WWC2: variants seen among roughly 807,000 people sequenced by gnomAD.
The protein encoded by WWC2 is WW and C2 domain containing 2, also known as protein WWC2.
Under a neutral mutation model 138.5 loss-of-function variants are expected in WWC2, and 101 were observed. That is an observed-to-expected ratio of 0.73 (90% CI 0.62 to 0.86). The LOEUF (loss-of-function observed/expected upper bound fraction) is 0.86. Ranked by LOEUF, WWC2 falls within the 40% of genes least tolerant of loss-of-function variation. The pLI is 0.00. For synonymous variants in WWC2, 558 were observed against 538.4 expected, an observed-to-expected ratio of 1.04 and a Z score of -0.50; for missense variants, 1,420 against 1,419.4, an observed-to-expected ratio of 1.00 and a Z score of -0.01.
chr4:183,243,492 A>T (rs1319673528), intron 5 of WWC2, among the ~76,000 whole-genome samples: 1 of 152,188 alleles, frequency 6.6e-6, no homozygotes, highest in East Asian at 1.9e-4. Context: ...AATTCCATTG[A>T]TAAATCTCTT....
chr4:183,257,579 G>A (rs1737189204), intron 9 of WWC2, among the ~76,000 whole-genome samples: 1 of 152,198 alleles, frequency 6.6e-6, no homozygotes, highest in Admixed American at 6.5e-5. Flanking sequence ...AGAGACAGGT[G>A]TGCACCCTTT....
chr4:183,281,204 T>G, intron 17 of WWC2: 1 of 410,484 alleles, frequency 2.4e-6, no homozygotes, highest in Non-Finnish European at 4.3e-6. Context: ...TAGCTTATTG[T>G]AGAGTTATAG....
chr4:183,261,011 C>T lies in WWC2; in HGVS notation c.1388C>T (p.Ser463Phe). ...ACCTCCAGCAGAGGGTCACTCAACT[C>T]CCTCAGTTCCACCGAACTCTATTAC... ...LNTSSRGSLN[S>F]LSSTELYYSS... The change falls in exon 11 of 23, where the codon TCC (serine) becomes TTC (phenylalanine). Residue 463 changes from serine to phenylalanine, a missense_variant. Coordinates refer to ENST00000403733, the MANE Select transcript of WWC2 (RefSeq NM_024949.6). 1 of 1,614,000 alleles carries T rather than the reference C, an allele frequency of 6.2e-7. No individual in the cohort carries two copies. The highest frequency in any genetic ancestry group is 8.5e-7 in the Non-Finnish European group (1 of 1,179,890).
chr4:183,249,158 G>A (rs918508021), intron 7 of WWC2, among the ~76,000 whole-genome samples: 3 of 152,050 alleles, frequency 2.0e-5, no homozygotes, highest in African/African-American at 4.8e-5. Flanking sequence ...TTCCTATTAC[G>A]TTTAGAGTCT....
At chr4:183,213,025 T>C (rs183773168) in intron 4 of WWC2, among the ~76,000 whole-genome samples, 2 of 152,346 alleles carry the variant, frequency 1.3e-5, no homozygotes, top group East Asian at 3.9e-4. Context: ...ATAACTATAA[T>C]AAAAGATCAG....
chr4:183,174,740 T>C (rs1301181307), intron 1 of WWC2, among the ~76,000 whole-genome samples: 2 of 152,116 alleles, frequency 1.3e-5, no homozygotes, highest in African/African-American at 4.8e-5. Context: ...ATCTGACAAT[T>C]AACTTTTTGC....
rs552613459 is a variant in WWC2 at position 183,228,735 on chromosome 4, T to C, written c.523-11448T>C. On this transcript the variant is annotated intron_variant, in intron 4 of 22. Transcript: ENST00000403733. Reference sequence around the variant, plus strand: ...CTTTACTGCTGGTGGGAAACTGGCCTTTCCTAATAAAGCTGAACGTGTGCA... The same window carrying C: ...CTTTACTGCTGGTGGGAAACTGGCCCTTCCTAATAAAGCTGAACGTGTGCA... Among the ~76,000 whole-genome samples, 62 of 152,208 alleles carry C rather than the reference T, an allele frequency of 4.1e-4. 1 individual carries two copies. Among genetic ancestry groups the C allele is most frequent in the African/African-American group, 1.4e-3 (60 of 41,462 alleles).
Position 183,269,162 on chromosome 4 carries a change from T to G in WWC2, c.2399T>G (p.Leu800Arg), listed in dbSNP as rs1192069642. 5 of 1,605,656 alleles carry G rather than the reference T, an allele frequency of 3.1e-6. No individual in the cohort carries two copies. The highest frequency in any genetic ancestry group is 4.2e-6 in the Non-Finnish European group (5 of 1,177,312). Residue 800 changes from leucine (L) to arginine (R), a missense_variant and splice_region_variant, in exon 15 of 23, where the codon CTG (leucine) becomes CGG (arginine). Leu to Arg is a moderately radical substitution (Grantham distance 102). Transcript: ENST00000403733. ...AGTAAACACCGAAGGGAAGAATGCC[T>G]GGTAGGATTCTTCATAATTCCCATT... ...SVSKHRREEC[L>R]AGTQISLADL...
chr4:183,320,171 T>G lies in WWC2; in HGVS notation c.*4442T>G, dbSNP rs1469562980. On this transcript the variant is annotated 3_prime_UTR_variant, in exon 23 of 23. Coordinates refer to ENST00000403733, the MANE Select transcript of WWC2 (RefSeq NM_024949.6). ...AGGATAAAACCCATCCCAGCAAAGA[T>G]AATGAAACTCCAGCTAGTTGAGCTA... The G allele has an allele frequency of 6.2e-7, 1 of 1,614,172 alleles. No homozygotes were observed. The highest frequency in any genetic ancestry group is 2.2e-5 in the East Asian group (1 of 44,886).
intron 1 of WWC2, among the ~76,000 whole-genome samples, chr4:183,160,286 GT>G (rs1318895235): frequency 3.9e-5 from 6 of 152,146 alleles, no homozygotes; most frequent in Non-Finnish European, 8.8e-5. Context: ...ATAAACTCAC[GT>G]AACATTTTGT....
At chr4:183,209,592 T>C (rs1360785117) in intron 4 of WWC2, among the ~76,000 whole-genome samples, 1 of 152,180 alleles carries the variant, frequency 6.6e-6, no homozygotes, top group African/African-American at 2.4e-5. Context: ...TTGAGTCTTG[T>C]AACTTGCTTT....
intron 2 of WWC2, among the ~76,000 whole-genome samples, chr4:183,200,561 G>T (rs368584470): frequency 6.6e-6 from 1 of 152,206 alleles, no homozygotes; most frequent in African/African-American, 2.4e-5. Context: ...CTGGCTCAAG[G>T]TCTCTGTGGT....
At chr4:183,157,720 C>T (rs1357661422) in intron 1 of WWC2, among the ~76,000 whole-genome samples, 1 of 152,018 alleles carries the variant, frequency 6.6e-6, no homozygotes, top group East Asian at 1.9e-4. Context: ...CCAGGATGGT[C>T]TGGATCTCCT....
chr4:183,232,125 G>A (rs1736263924), intron 4 of WWC2, among the ~76,000 whole-genome samples: 1 of 152,116 alleles, frequency 6.6e-6, no homozygotes, highest in African/African-American at 2.4e-5. Flanking sequence ...TTGACCATAT[G>A]TTTATTATTT....
At chr4:183,258,099 G>A (rs905556252) in intron 9 of WWC2, among the ~76,000 whole-genome samples, 1 of 152,198 alleles carries the variant, frequency 6.6e-6, no homozygotes, top group Admixed American at 6.5e-5. Context: ...TTAGAAAAAG[G>A]CTTCATTTTA....
intron 1 of WWC2, among the ~76,000 whole-genome samples, chr4:183,164,645 C>CT (rs1196297689): frequency 6.6e-6 from 1 of 151,920 alleles, no homozygotes; most frequent in Non-Finnish European, 1.5e-5. Context: ...AGGTCCTTTC[C>CT]TGTGGGTATG....
rs773406364 is a variant in WWC2 at position 183,208,111 on chromosome 4, C to A, written c.400C>A (p.Arg134=). ...RLALALDEYV[R]LNDAYKEKSS... ...GGCGCTGGCCCTGGATGAATACGTGCGATTAAATGATGCCTATAAGGAAAA... is the reference window on the plus strand; with the variant it reads ...GGCGCTGGCCCTGGATGAATACGTGAGATTAAATGATGCCTATAAGGAAAA... Residue 134 remains arginine, a synonymous_variant, in exon 3 of 23, where the codon CGA becomes AGA. Transcript: ENST00000403733. The A allele has an allele frequency of 1.6e-5, 26 of 1,613,506 alleles. No homozygotes were observed. The highest frequency in any genetic ancestry group is 2.1e-5 in the Non-Finnish European group (25 of 1,179,718).
In WWC2 at chr4:183,208,033, C is replaced by T; in HGVS notation, c.322C>T (p.Gln108Ter). The part of the protein sequence containing the change: ...KMLKDYLSVA[Q>*]DALRTQKELY... Reference sequence around the variant, plus strand: ...GCTCAAGGACTACCTCTCTGTGGCACAGGATGCCCTCCGGACACAGAAGGA... The same window carrying T: ...GCTCAAGGACTACCTCTCTGTGGCATAGGATGCCCTCCGGACACAGAAGGA... Residue 108 changes from glutamine (Q) to a stop codon, truncating the protein, a stop_gained, in exon 3 of 23, where the codon CAG (glutamine) becomes TAG (stop). Transcript: ENST00000403733. LOFTEE classifies it high-confidence loss of function. 1 of 1,613,814 alleles carries T rather than the reference C, an allele frequency of 6.2e-7. No individual in the cohort carries two copies. The highest frequency in any genetic ancestry group is 1.7e-4 in the Middle Eastern group (1 of 6,060).
chr4:183,307,461 TATCCTA>T (rs1171665839), intron 21 of WWC2, among the ~76,000 whole-genome samples: 2 of 152,296 alleles, frequency 1.3e-5, no homozygotes, highest in Non-Finnish European at 1.5e-5. Context: ...AGGCCAGCAT[TATCCTA>T]ATAGCAAAAC....
Sources: allele counts gnomAD v4.1 joint callset (sites outside exome capture counted in the v4.1 genomes callset), GRCh38; gene constraint gnomAD v4.1.1; transcripts MANE v1.5; gene names NCBI Gene and HGNC (gene_info 2026-07-23, HGNC 2026-07-21).